Variants in CEP112 observed in about 807,000 individuals in gnomAD.
CEP112 encodes the protein centrosomal protein of 112 kDa.
Under a neutral mutation model 153.0 loss-of-function variants are expected in CEP112, and 127 were observed. The ratio of observed to expected loss-of-function variants is 0.83; its 90% CI spans 0.72 to 0.96. The LOEUF (loss-of-function observed/expected upper bound fraction) is 0.96, where lower values mean the gene tolerates loss of function less well. Among genes scored for constraint, CEP112 ranks in the 40% least tolerant of loss-of-function variants. The pLI, the probability that CEP112 is intolerant of heterozygous loss-of-function variation, is 0.00. For synonymous variants in CEP112, 358 were observed against 374.4 expected, an observed-to-expected ratio of 0.96 and a Z score of 0.51; for missense variants, 1,089 against 1,101.2, an observed-to-expected ratio of 0.99 and a Z score of 0.16.
At chr17:65,809,641 T>C (rs1004044526) in intron 21 of CEP112, among the ~76,000 whole-genome samples, 1 of 152,092 alleles carries the variant, frequency 6.6e-6, no homozygotes, top group Non-Finnish European at 1.5e-5. Context: ...ATGAAGAATA[T>C]TGGGGAAGAA....
At chr17:65,870,107 GA>G (rs201387895) in intron 20 of CEP112, among the ~76,000 whole-genome samples, 1,564 of 148,438 alleles carry the variant, frequency 0.011, 34 homozygotes, top group African/African-American at 0.035. Context: ...AAAATACAAA[GA>G]AAAAAAAGCA....
chr17:66,073,404 A>G (rs1287107888), intron 8 of CEP112, among the ~76,000 whole-genome samples: 1 of 152,208 alleles, frequency 6.6e-6, no homozygotes, highest in East Asian at 1.9e-4. Flanking sequence ...CAGGGTACTA[A>G]AAGAGGTATA....
chr17:65,888,885 C>G (rs1347811613), intron 20 of CEP112, among the ~76,000 whole-genome samples: 1 of 152,148 alleles, frequency 6.6e-6, no homozygotes, highest in Admixed American at 6.5e-5. Context: ...GATATGTTCT[C>G]CCGCTGATCA....
At position 65,656,114 on chromosome 17, in the gene CEP112, T is replaced by G. The variant is rs16962604; in HGVS notation, c.2698-15049A>C. Reference sequence around the variant, plus strand: ...CTAAGGCAATCATCACGTCGCATTATCTGGAGCCATAACTATTGAGGGCCT... The same window carrying G: ...CTAAGGCAATCATCACGTCGCATTAGCTGGAGCCATAACTATTGAGGGCCT... On this transcript the variant is annotated intron_variant, in intron 24 of 26. Transcript: ENST00000535342. Among the ~76,000 whole-genome samples the G allele has an allele frequency of 8.9e-3, 1,359 of 152,320 alleles. 18 individuals are homozygous for G. The highest frequency in any genetic ancestry group is 0.03 in the African/African-American group (1,251 of 41,556).
chr17:65,680,562 G>A (rs542650482), intron 24 of CEP112, among the ~76,000 whole-genome samples: 15 of 152,100 alleles, frequency 9.9e-5, no homozygotes, highest in African/African-American at 3.1e-4. Context: ...TGGGCTAAAC[G>A]CTGGGATACA....
At chr17:65,779,003 A>T (rs79108943) in intron 21 of CEP112, among the ~76,000 whole-genome samples, 6 of 31,738 alleles carry the variant, frequency 1.9e-4, no homozygotes, top group African/African-American at 3.7e-4. Flanking sequence ...TTATCTCTTT[A>T]AAAAAAAAGG....
At chr17:66,086,746 A>AC (rs2067954104) in intron 8 of CEP112, among the ~76,000 whole-genome samples, 1 of 152,020 alleles carries the variant, frequency 6.6e-6, no homozygotes, top group Non-Finnish European at 1.5e-5. Flanking sequence ...CATAGAGAAA[A>AC]GAAAAAAAAA....
rs1034984114 is a variant in CEP112 at position 65,934,575 on chromosome 17, C to T, written c.1873-6886G>A. Among the ~76,000 whole-genome samples the T allele has an allele frequency of 3.3e-5, 5 of 152,286 alleles. 1 individual carries two copies. The East Asian group carries it at 5.8e-4, about 18-fold the overall frequency. On this transcript the variant is annotated intron_variant, in intron 18 of 26. Coordinates refer to ENST00000535342, the MANE Select transcript of CEP112 (RefSeq NM_001199165.4). Reference sequence around the variant, plus strand: ...ACTTTGAATATAAATGAACTAAATTCTCCAATCAAAAGACATAAAGTAACT... The same window carrying T: ...ACTTTGAATATAAATGAACTAAATTTTCCAATCAAAAGACATAAAGTAACT...
At chr17:66,066,914 T>G in intron 9 of CEP112, 37 bp from the exon 10 acceptor site, 1 of 1,296,332 alleles carries the variant, frequency 7.7e-7, no homozygotes, top group Non-Finnish European at 1.0e-6. Flanking sequence ...TATATTGTAC[T>G]ACTTTACATA....
chr17:66,056,100 C>T (rs541637591), intron 11 of CEP112, among the ~76,000 whole-genome samples: 2 of 152,258 alleles, frequency 1.3e-5, no homozygotes, highest in South Asian at 2.1e-4. Context: ...AACCATAGGA[C>T]ATAACAATGA....
At chr17:65,917,410 T>A (rs34666361) in intron 19 of CEP112, among the ~76,000 whole-genome samples, 27,876 of 152,068 alleles carry the variant, frequency 0.18, 2,760 homozygotes, top group Admixed American at 0.28. Flanking sequence ...AGTCATATGG[T>A]AATCCATTTG....
At chr17:66,189,513 A>T (rs2073081125) in intron 1 of CEP112, among the ~76,000 whole-genome samples, 1 of 152,096 alleles carries the variant, frequency 6.6e-6, no homozygotes. Context: ...AAAAAAAAAA[A>T]AAAAAGTATT....
rs181162043 is a variant in CEP112 at position 65,870,095 on chromosome 17, A to G, written c.2164-18061T>C. On this transcript the variant is annotated intron_variant, in intron 20 of 26. Transcript: ENST00000535342. ...AAAGAAAGAAAGAAAAGAAAGAAAG[A>G]GAAAATACAAAGAAAAAAAAGCAAT... Among the ~76,000 whole-genome samples the G allele has an allele frequency of 2.6e-3, 343 of 132,858 alleles. 3 individuals are homozygous for G. Among genetic ancestry groups the G allele is most frequent in the African/African-American group, 8.2e-3 (309 of 37,904 alleles). 87.2% of individuals were successfully genotyped at this position (132,858 alleles called of 152,430 possible).
chr17:65,756,164 G>A (rs576349125), intron 21 of CEP112, among the ~76,000 whole-genome samples: 16 of 152,284 alleles, frequency 1.1e-4, no homozygotes. Flanking sequence ...AGCACTCTGG[G>A]AGGCCAAGGC....
intron 6 of CEP112, among the ~76,000 whole-genome samples, chr17:66,114,994 C>G (rs1260383187): frequency 6.6e-6 from 1 of 151,984 alleles, no homozygotes; most frequent in Non-Finnish European, 1.5e-5. Flanking sequence ...CACCTGAGGT[C>G]AGGAGTTTGA....
At chr17:65,645,822 T>C (rs946190944) in intron 24 of CEP112, among the ~76,000 whole-genome samples, 1 of 152,220 alleles carries the variant, frequency 6.6e-6, no homozygotes, top group African/African-American at 2.4e-5. Flanking sequence ...AGTTCCTTTT[T>C]CTAAAAGAAA....
At chr17:66,109,318 T>C (rs2068919557) in intron 6 of CEP112, among the ~76,000 whole-genome samples, 1 of 152,206 alleles carries the variant, frequency 6.6e-6, no homozygotes, top group Middle Eastern at 3.2e-3. Flanking sequence ...AGATGACAGA[T>C]ACCCATTTAT....
In CEP112 at chr17:66,191,742, G is replaced by A. The variant is rs2073171478; in HGVS notation, c.-9+255C>T. 6.5e-6 allele frequency: 1 copy of A among 152,734 alleles called. No individual in the cohort carries two copies. The highest frequency in any genetic ancestry group is 2.4e-5 in the African/African-American group (1 of 41,458). The allele number at this position is 152,734 out of a possible 1,614,324, so 9.5% of individuals were successfully genotyped here. ...CCACGTCAGACCGATCAAACCGGCTGATCAAACTTTACTTAGAACTTTCCC... is the reference window on the plus strand; with the variant it reads ...CCACGTCAGACCGATCAAACCGGCTAATCAAACTTTACTTAGAACTTTCCC... On this transcript the variant is annotated intron_variant, in intron 1 of 26. Coordinates refer to ENST00000535342, the MANE Select transcript of CEP112 (RefSeq NM_001199165.4). The surrounding 1 kb of genome is among the most constrained non-coding windows in gnomAD (Gnocchi z 4.2).
intron 4 of CEP112, among the ~76,000 whole-genome samples, chr17:66,141,827 A>G (rs2070714140): frequency 6.6e-6 from 1 of 152,236 alleles, no homozygotes; most frequent in Non-Finnish European, 1.5e-5. Flanking sequence ...TATTGTGAAT[A>G]ATGCTGCAGT....
Sources: allele counts gnomAD v4.1 joint callset (sites outside exome capture counted in the v4.1 genomes callset), GRCh38; gene constraint gnomAD v4.1.1; non-coding constraint Gnocchi (gnomAD v3.1); transcripts MANE v1.5; gene names NCBI Gene and HGNC (gene_info 2026-07-23, HGNC 2026-07-21).